Variants in KIN observed in about 807,000 individuals in gnomAD.
KIN encodes the protein DNA/RNA-binding protein KIN17.
KIN carries 47 observed loss-of-function variants against 63.0 expected under a neutral mutation model. The ratio of observed to expected loss-of-function variants is 0.75; its 90% CI spans 0.59 to 0.95. The LOEUF (loss-of-function observed/expected upper bound fraction) is 0.95, where lower values mean the gene tolerates loss of function less well. Among genes scored for constraint, KIN ranks in the 40% least tolerant of loss-of-function variants. The pLI is 0.00. For synonymous variants in KIN, 160 were observed against 157.7 expected, an observed-to-expected ratio of 1.01 and a Z score of -0.11; for missense variants, 408 against 460.9, an observed-to-expected ratio of 0.89 and a Z score of 1.05.
chr10:7,768,536 G>T (rs1461006069), intron 8 of KIN, among the ~76,000 whole-genome samples: 34 of 132,104 alleles, frequency 2.6e-4, no homozygotes, highest in Non-Finnish European at 1.6e-4. Context: ...AACAAAAACA[G>T]CAACCAAAAA....
rs1250769970 is a variant in KIN at position 7,751,902 on chromosome 10, G to C, written c.*4178C>G. ...TACAAAAAATTAGCCGGGCGCGGTG[G>C]CGGGCGCCTGTAGTCCCAGCTACTC... is the stretch of plus-strand genomic sequence containing the variant. On this transcript the variant is annotated 3_prime_UTR_variant, in exon 13 of 13. Coordinates refer to ENST00000379562, the MANE Select transcript of KIN (RefSeq NM_012311.4). 1.6e-3 allele frequency: 3 copies of C among 1,894 alleles called. 1 individual carries two copies. The highest frequency in any genetic ancestry group is 3.0e-3 in the Non-Finnish European group (3 of 988). 0.1% of individuals were successfully genotyped at this position (1,894 alleles called of 1,614,324 possible).
chr10:7,767,335 G>A lies in KIN; in HGVS notation c.799-1232C>T, dbSNP rs144238004. 7.3e-4 allele frequency among the ~76,000 whole-genome samples: 111 copies of A among 152,028 alleles called. No individual in the cohort carries two copies. The East Asian group carries it at 0.018, about 25-fold the overall frequency. On this transcript the variant is annotated intron_variant, in intron 8 of 12. Transcript: ENST00000379562. Reference sequence around the variant, plus strand: ...CAGGCGCTACCCTCATACCTCCTTGGCACTCAGCATTTTGTGATCATTCAC... The same window carrying A: ...CAGGCGCTACCCTCATACCTCCTTGACACTCAGCATTTTGTGATCATTCAC...
In KIN at chr10:7,751,071, G is replaced by A. The variant is rs934172925; in HGVS notation, c.*5009C>T. The A allele has an allele frequency of 9.2e-5, 14 of 152,138 alleles. No homozygotes were observed. Among genetic ancestry groups the A allele is most frequent in the African/African-American group, 2.2e-4 (9 of 41,428 alleles). 9.4% of individuals were successfully genotyped at this position (152,138 alleles called of 1,614,324 possible). A position where few individuals can be genotyped will look rare whatever the true frequency, so the allele number is the denominator to read the frequency against. On this transcript the variant is annotated 3_prime_UTR_variant, in exon 13 of 13. Coordinates refer to ENST00000379562, the MANE Select transcript of KIN (RefSeq NM_012311.4). Reference sequence around the variant, plus strand: ...ATAAAATAAGCAACAAATTTAAAGCGAAACTAGGTTACTTTATGCTGTCTG... The same window carrying A: ...ATAAAATAAGCAACAAATTTAAAGCAAAACTAGGTTACTTTATGCTGTCTG...
intron 11 of KIN, 41 bp from the exon 12 acceptor site, chr10:7,760,031 T>G (rs761300236): frequency 2.4e-5 from 22 of 928,110 alleles, no homozygotes; most frequent in Admixed American, 5.1e-5. Flanking sequence ...TGAAGAAATA[T>G]CTCCACTTTT....
At chr10:7,760,967 A>G (rs952212623) in intron 11 of KIN, among the ~76,000 whole-genome samples, 2 of 152,212 alleles carry the variant, frequency 1.3e-5, no homozygotes, top group African/African-American at 4.8e-5. Context: ...ACCAGAAAAC[A>G]GGACACATTT....
In KIN at chr10:7,753,294, G is replaced by A. The variant is rs987554155; in HGVS notation, c.*2786C>T. The A allele has an allele frequency of 6.6e-6, 1 of 152,156 alleles. No individual in the cohort carries two copies. The highest frequency in any genetic ancestry group is 2.4e-5 in the African/African-American group (1 of 41,434). The allele number at this position is 152,156 out of a possible 1,614,324, so 9.4% of individuals were successfully genotyped here. On this transcript the variant is annotated 3_prime_UTR_variant, in exon 13 of 13. Transcript: ENST00000379562. ...CTGAAATAATTTCAGAAAGACGTTG[G>A]AGAATTAAATGTGGGAGGCAGACAT...
In KIN at chr10:7,783,151, A is replaced by C. The variant is rs1225768269; in HGVS notation, c.139T>G (p.Ser47Ala). ...AATAGTTGTCTCTGATGAGATTCGG[A>C]CATACAATGACACTTAAAGCCATTC... ...DENGFKCHCM[S>A]ESHQRQLLLA... is the part of the protein sequence containing the mutation. The change falls in exon 2 of 13, where the codon TCC becomes GCC. Residue 47 changes from serine to alanine, a missense_variant. This residue lies in a region of KIN where 110 missense variants were observed against 164.9 expected (regional missense o/e 0.67). Coordinates refer to ENST00000379562, the MANE Select transcript of KIN (RefSeq NM_012311.4). 4 of 1,596,176 alleles carry C rather than the reference A, an allele frequency of 2.5e-6. No homozygotes were observed. The highest frequency in any genetic ancestry group is 1.7e-4 in the Middle Eastern group (1 of 6,008).
chr10:7,786,816 C>CCT lies in KIN; in HGVS notation c.114+1003_114+1004insAG, dbSNP rs1836022143. On this transcript the variant is annotated intron_variant, in intron 1 of 12. Coordinates refer to ENST00000379562, the MANE Select transcript of KIN (RefSeq NM_012311.4). The stretch of plus-strand genomic sequence containing the variant: ...CACTTTATATGGCAGTCCAAGCAGA[C>CCT]TAAGACATTAGATAATGCATATACA... Among the ~76,000 whole-genome samples the CCT allele has an allele frequency of 2.0e-5, 3 of 152,154 alleles. No homozygotes were observed. In the South Asian group the frequency reaches 6.2e-4, roughly 32 times the overall value.
chr10:7,770,878 A>C (rs1227940876), intron 7 of KIN, among the ~76,000 whole-genome samples: 2 of 152,188 alleles, frequency 1.3e-5, no homozygotes, highest in Non-Finnish European at 2.9e-5. Context: ...GGTTACTTTA[A>C]GCTTGAAGTC....
chr10:7,774,220 C>T (rs763347334), intron 7 of KIN, among the ~76,000 whole-genome samples: 3 of 152,272 alleles, frequency 2.0e-5, no homozygotes, highest in East Asian at 1.9e-4. Context: ...CCTAGAAGGG[C>T]GGGCAATGAC....
In KIN at chr10:7,775,761, A is replaced by G. The variant is rs552262105; in HGVS notation, c.597T>C (p.Asp199=). 6.5e-7 allele frequency: 1 copy of G among 1,538,454 alleles called. No individual in the cohort carries two copies. The highest frequency in any genetic ancestry group is 1.4e-5 in the African/African-American group (1 of 71,826). The change falls in exon 6 of 13, where the codon GAT becomes GAC. Residue 199 remains aspartate, a synonymous_variant. Transcript: ENST00000379562. ...AAAAAATAAAACTACCTTTCTCTTC[A>G]TCATTTTCTCTGCTTAATTCCGTAA... ...PTFTELSREN[D]EEKVTFNLSK...
intron 6 of KIN, among the ~76,000 whole-genome samples, chr10:7,775,362 A>G (rs1334686161): frequency 2.0e-5 from 3 of 152,222 alleles, no homozygotes; most frequent in Non-Finnish European, 4.4e-5. Flanking sequence ...TTGGAAAAGT[A>G]TCCTTGCTCT....
intron 1 of KIN, among the ~76,000 whole-genome samples, chr10:7,785,343 A>G (rs1835979969): frequency 6.6e-6 from 1 of 152,170 alleles, no homozygotes; most frequent in African/African-American, 2.4e-5. Flanking sequence ...TTTCTCCCCA[A>G]AATGTTTAAT....
intron 2 of KIN, among the ~76,000 whole-genome samples, chr10:7,781,587 TACACAC>T (rs3036327): frequency 7.1e-6 from 1 of 140,628 alleles, no homozygotes; most frequent in Non-Finnish European, 1.5e-5. Flanking sequence ...ACCCTGTCTC[TACACAC>T]ACACACACAC....
At chr10:7,782,392 T>C (rs1835915233) in intron 2 of KIN, among the ~76,000 whole-genome samples, 1 of 146,930 alleles carries the variant, frequency 6.8e-6, no homozygotes. Context: ...GGTTGCTATT[T>C]TTAGTGCCAT....
At chr10:7,783,035 C>G in intron 2 of KIN, 46 bp downstream of exon 2, 1 of 957,124 alleles carries the variant, frequency 1.0e-6, no homozygotes, top group Non-Finnish European at 1.6e-6. Flanking sequence ...ATTAAATGTT[C>G]AACTGAATAA....
intron 12 of KIN, among the ~76,000 whole-genome samples, chr10:7,758,576 A>C (rs1301101269): frequency 1.3e-5 from 2 of 152,092 alleles, no homozygotes; most frequent in Admixed American, 1.3e-4. Context: ...CTCAACAGTA[A>C]TCAGTTGTTT....
In KIN at chr10:7,783,074, T is replaced by C. The variant is rs1166740967; in HGVS notation, c.209+7A>G. ...CTATAAGATAAAGAGTTCTTTGAGT[T>C]ACTTACTCTGAAAAATAATCCATAA... On this transcript the variant is annotated splice_region_variant and intron_variant, in intron 2 of 12. Transcript: ENST00000379562. The C allele has an allele frequency of 3.3e-6, 5 of 1,503,708 alleles. No homozygotes were observed. The highest frequency in any genetic ancestry group is 3.7e-6 in the Non-Finnish European group (4 of 1,092,812). 93.1% of individuals were successfully genotyped at this position (1,503,708 alleles called of 1,614,324 possible).
intron 1 of KIN, among the ~76,000 whole-genome samples, chr10:7,786,136 C>T (rs957046663): frequency 1.3e-5 from 2 of 152,218 alleles, no homozygotes; most frequent in African/African-American, 4.8e-5. Flanking sequence ...ATGAGGGAGA[C>T]TGGAGAGGGG....
Sources: allele counts gnomAD v4.1 joint callset (sites outside exome capture counted in the v4.1 genomes callset), GRCh38; gene constraint gnomAD v4.1.1; regional missense constraint gnomAD v4.1.1; transcripts MANE v1.5; gene names NCBI Gene and HGNC (gene_info 2026-07-23, HGNC 2026-07-21).